PLPP3: variants seen among roughly 807,000 people sequenced by gnomAD.
PLPP3 encodes phospholipid phosphatase 3.
A neutral mutation model predicts 29.6 loss-of-function variants in PLPP3; 6 were observed. The ratio of observed to expected loss-of-function variants is 0.20; its 90% CI spans 0.11 to 0.40. The LOEUF (loss-of-function observed/expected upper bound fraction) is 0.40, where lower values mean the gene tolerates loss of function less well. PLPP3 is among the 10% of genes least tolerant of loss of function. The pLI is 1.00. For missense variants in PLPP3, 308 were observed against 407.7 expected, an observed-to-expected ratio of 0.76 and a Z score of 2.11; for synonymous variants, 152 against 159.7, an observed-to-expected ratio of 0.95 and a Z score of 0.36.
intron 5 of PLPP3, among the ~76,000 whole-genome samples, chr1:56,502,150 G>GA (rs1210202229): frequency 6.6e-6 from 1 of 152,170 alleles, no homozygotes; most frequent in Non-Finnish European, 1.5e-5. Context: ...AGGAATGGCT[G>GA]AATCAGCAAA....
intron 1 of PLPP3, 115 bp from the exon 2 acceptor site, chr1:56,537,227 T>A: frequency 8.6e-7 from 1 of 1,158,424 alleles, no homozygotes; most frequent in Non-Finnish European, 1.2e-6. Context: ...TCACTGAGAG[T>A]GATAATCGTT....
intron 5 of PLPP3, 40 bp downstream of exon 5, chr1:56,511,936 C>A (rs559861977): frequency 1.2e-6 from 2 of 1,608,408 alleles, no homozygotes; most frequent in Admixed American, 1.7e-5. Context: ...AGCAACAGTC[C>A]AGGGCTCCAC....
rs753529148 is a variant in PLPP3, at chr1:56,578,957, C to T, written c.60G>A (p.Pro20=). 3.1e-6 allele frequency: 5 copies of T among 1,603,038 alleles called. No individual in the cohort carries two copies. The highest frequency in any genetic ancestry group is 1.1e-5 in the South Asian group (1 of 90,406). ...IVPESKNGGS[P]ALNNNPRRSG... ...TCCTCCTCGGGTTGTTGTTGAGCGCCGGGCTGCCGCCGTTCTTGCTCTCCG... is the reference window on the plus strand; with the variant it reads ...TCCTCCTCGGGTTGTTGTTGAGCGCTGGGCTGCCGCCGTTCTTGCTCTCCG... The change falls in exon 1 of 6, where the codon CCG becomes CCA. Residue 20 remains proline, a synonymous_variant. Coordinates refer to ENST00000371250, the MANE Select transcript of PLPP3 (RefSeq NM_003713.5).
chr1:56,516,097 T>C (rs557943905), intron 4 of PLPP3, among the ~76,000 whole-genome samples: 2 of 152,308 alleles, frequency 1.3e-5, no homozygotes, highest in East Asian at 1.9e-4. Context: ...AGAATGAGAT[T>C]GCACAATGAC....
intron 4 of PLPP3, among the ~76,000 whole-genome samples, chr1:56,517,935 T>G (rs1383185277): frequency 1.3e-5 from 2 of 152,174 alleles, no homozygotes; most frequent in Non-Finnish European, 2.9e-5. Flanking sequence ...GCTGACTCAT[T>G]ATACCTCATA....
At chr1:56,518,353 C>G (rs1645796160) in intron 4 of PLPP3, among the ~76,000 whole-genome samples, 1 of 152,130 alleles carries the variant, frequency 6.6e-6, no homozygotes, top group African/African-American at 2.4e-5. Flanking sequence ...AGAGCACAGC[C>G]ACTTCCATTT....
At chr1:56,561,847 C>A (rs984670880) in intron 1 of PLPP3, among the ~76,000 whole-genome samples, 17 of 151,746 alleles carry the variant, frequency 1.1e-4, no homozygotes, top group African/African-American at 3.9e-4. Context: ...CCAGCCTGGG[C>A]AACATGGTGA....
At chr1:56,540,639 G>C (rs892664758) in intron 1 of PLPP3, among the ~76,000 whole-genome samples, 1 of 152,072 alleles carries the variant, frequency 6.6e-6, no homozygotes, top group Non-Finnish European at 1.5e-5. Context: ...TTATTTTCTT[G>C]AAAGGCATGC....
intron 1 of PLPP3, among the ~76,000 whole-genome samples, chr1:56,540,334 C>T (rs954768485): frequency 6.6e-6 from 1 of 152,086 alleles, no homozygotes; most frequent in African/African-American, 2.4e-5. Flanking sequence ...CAGGGGAAGA[C>T]ACATATCATC....
chr1:56,505,140 C>A (rs1034249104), intron 5 of PLPP3, among the ~76,000 whole-genome samples: 3 of 152,192 alleles, frequency 2.0e-5, no homozygotes, highest in African/African-American at 7.2e-5. Context: ...CTTTAAGGAC[C>A]AACTCCTTTT....
chr1:56,575,986 G>A (rs555710825), intron 1 of PLPP3, among the ~76,000 whole-genome samples: 6 of 152,240 alleles, frequency 3.9e-5, no homozygotes, highest in Admixed American at 3.9e-4. Flanking sequence ...ATTCATAACT[G>A]TATTTAAAAG....
At chr1:56,511,869 C>G in intron 5 of PLPP3, 107 bp downstream of exon 5, 1 of 1,378,650 alleles carries the variant, frequency 7.3e-7, no homozygotes, top group Non-Finnish European at 1.0e-6. Context: ...AGACACCAAG[C>G]AGAGGACAGG....
intron 1 of PLPP3, among the ~76,000 whole-genome samples, chr1:56,543,050 TTA>T (rs1645980715): frequency 3.3e-5 from 5 of 151,846 alleles, no homozygotes; most frequent in Admixed American, 3.3e-4. Context: ...GATAAAAAGT[TTA>T]TACATCTTAC....
At chr1:56,526,657 TG>T (rs1356985700) in intron 2 of PLPP3, among the ~76,000 whole-genome samples, 1 of 152,168 alleles carries the variant, frequency 6.6e-6, no homozygotes, top group African/African-American at 2.4e-5. Flanking sequence ...AGTCCCTACT[TG>T]TTTAGTGAAT....
intron 1 of PLPP3, among the ~76,000 whole-genome samples, chr1:56,574,428 A>AT (rs564127795): frequency 9.8e-4 from 149 of 151,860 alleles, no homozygotes; most frequent in African/African-American, 3.5e-3. Context: ...TTAATTTTTG[A>AT]TTTTTTTGTA....
chr1:56,561,762 C>T (rs1357114214), intron 1 of PLPP3, among the ~76,000 whole-genome samples: 3 of 151,950 alleles, frequency 2.0e-5, no homozygotes, highest in Admixed American at 6.6e-5. Context: ...TGGCTGAGCA[C>T]GGTGGCTCAC....
At position 56,544,500 on chromosome 1, in the gene PLPP3, T is replaced by C. The variant is rs183902858; in HGVS notation, c.140-7388A>G. Among the ~76,000 whole-genome samples, 4 of 152,322 alleles carry C rather than the reference T, an allele frequency of 2.6e-5. No individual in the cohort carries two copies. The East Asian group carries it at 7.7e-4, about 29-fold the overall frequency. On this transcript the variant is annotated intron_variant, in intron 1 of 5. Transcript: ENST00000371250. ...AAATAAGGGAGAGTAAGTATACATT[T>C]ATTGGGCACCCACTATGTGCTAGGA... is the stretch of plus-strand genomic sequence containing the variant.
chr1:56,569,506 T>A (rs1037735959), intron 1 of PLPP3, among the ~76,000 whole-genome samples: 3 of 152,126 alleles, frequency 2.0e-5, no homozygotes, highest in African/African-American at 7.2e-5. Flanking sequence ...GCAGCCACTA[T>A]GAAAAACAGT....
chr1:56,499,392 G>T (rs1048437544), intron 5 of PLPP3, among the ~76,000 whole-genome samples: 1 of 152,266 alleles, frequency 6.6e-6, no homozygotes, highest in South Asian at 2.1e-4. Context: ...TCCTAGATGG[G>T]AGGCTTCTTG....
Sources: gnomAD v4.1 joint callset for allele counts (sites outside exome capture counted in the v4.1 genomes callset) on GRCh38, gnomAD v4.1.1 for gene constraint, MANE v1.5 for transcripts, NCBI Gene and HGNC (gene_info 2026-07-23, HGNC 2026-07-21) for gene names.